CRADD: variants seen among roughly 807,000 people sequenced by gnomAD.
The protein encoded by CRADD is CARD and death domain containing adaptor protein.
A neutral mutation model predicts 15.5 loss-of-function variants in CRADD; 9 were observed. The ratio of observed to expected loss-of-function variants is 0.58; its 90% confidence interval spans 0.35 to 1.01. CRADD has a LOEUF of 1.01. CRADD is among the 50% of genes least tolerant of loss of function. The pLI, the probability that CRADD is intolerant of heterozygous loss-of-function variation, is 0.02. For missense variants in CRADD, 227 were observed against 250.3 expected, an observed-to-expected ratio of 0.91 and a Z score of 0.63; for synonymous variants, 118 against 107.6, an observed-to-expected ratio of 1.10 and a Z score of -0.60.
Position 93,886,238 on chromosome 12 carries a change from C to T in CRADD, c.299-7812C>T, listed in dbSNP as rs529055539. On this transcript the variant is annotated intron_variant, in intron 2 of 2. Coordinates refer to the CRADD transcript ENST00000548483. ...GGAGCGCAGTCACATAGTCTTGGCTCACTGCAACCTCCACCTCCTGGGCTC... is the reference window on the plus strand; with the variant it reads ...GGAGCGCAGTCACATAGTCTTGGCTTACTGCAACCTCCACCTCCTGGGCTC... Among the ~76,000 whole-genome samples the T allele has an allele frequency of 5.5e-5, 8 of 146,592 alleles. No homozygotes were observed. The South Asian group carries it at 1.3e-3, about 24-fold the overall frequency.
chr12:93,786,135 A>G (rs1957275765), intron 2 of CRADD, among the ~76,000 whole-genome samples: 1 of 152,218 alleles, frequency 6.6e-6, no homozygotes, highest in Admixed American at 6.5e-5. Flanking sequence ...AAAACCTCAT[A>G]TTTCTAAACT....
intron 2 of CRADD, among the ~76,000 whole-genome samples, chr12:93,736,138 T>A (rs1180047650): frequency 6.6e-6 from 1 of 152,150 alleles, no homozygotes; most frequent in Non-Finnish European, 1.5e-5. Flanking sequence ...CTTCTTTCCC[T>A]TTGGTATAAT....
chr12:93,751,295 G>A (rs1477600436), intron 2 of CRADD, among the ~76,000 whole-genome samples: 2 of 152,192 alleles, frequency 1.3e-5, no homozygotes, highest in Admixed American at 6.5e-5. Context: ...AGTGAGGGCA[G>A]TCTGTCACCA....
intron 2 of CRADD, among the ~76,000 whole-genome samples, chr12:93,751,538 C>T (rs1442930845): frequency 1.3e-5 from 2 of 152,174 alleles, no homozygotes; most frequent in Non-Finnish European, 2.9e-5. Context: ...CTAGTACTGA[C>T]CTCAATCAGG....
chr12:93,833,584 G>A (rs969063174), intron 2 of CRADD, among the ~76,000 whole-genome samples: 2 of 151,956 alleles, frequency 1.3e-5, no homozygotes, highest in African/African-American at 4.8e-5. Flanking sequence ...GAACTCAAGC[G>A]ACCCTCCCCC....
intron 2 of CRADD, among the ~76,000 whole-genome samples, chr12:93,779,446 T>G (rs1957175574): frequency 6.6e-6 from 1 of 151,760 alleles, no homozygotes; most frequent in African/African-American, 2.4e-5. Flanking sequence ...AAAACATAGA[T>G]TTTTCAATAT....
Position 93,859,470 on chromosome 12 carries a change from G to T in CRADD, c.299-34580G>T, listed in dbSNP as rs1236724378. ...GAGGTCCAATTATATCCAAGTCTTG[G>T]CATCAAACTGTGAAAGACAAAATGC... On this transcript the variant is annotated intron_variant, in intron 2 of 2. Transcript: ENST00000548483. 1.2e-5 allele frequency: 5 copies of T among 421,034 alleles called. No homozygotes were observed. In the East Asian group the frequency reaches 2.9e-4, roughly 24 times the overall value. 26.1% of individuals were successfully genotyped at this position (421,034 alleles called of 1,614,324 possible).
At chr12:93,727,099 A>G (rs1398851211) in intron 2 of CRADD, among the ~76,000 whole-genome samples, 2 of 152,094 alleles carry the variant, frequency 1.3e-5, no homozygotes, top group Non-Finnish European at 2.9e-5. Context: ...AAACGTTCAG[A>G]CTCCACAATT....
At chr12:93,861,917 G>A (rs1424646837) in intron 2 of CRADD, among the ~76,000 whole-genome samples, 1 of 152,068 alleles carries the variant, frequency 6.6e-6, no homozygotes, top group East Asian at 1.9e-4. Context: ...AGGTGTCGAG[G>A]GCAAGGCCAG....
At chr12:93,876,112 A>G (rs1200990729) in intron 2 of CRADD, among the ~76,000 whole-genome samples, 1 of 152,118 alleles carries the variant, frequency 6.6e-6, no homozygotes, top group Non-Finnish European at 1.5e-5. Flanking sequence ...TTCTTCTTTC[A>G]GCACTTTAAA....
At chr12:93,820,176 T>G (rs1310909557) in intron 2 of CRADD, among the ~76,000 whole-genome samples, 1 of 152,212 alleles carries the variant, frequency 6.6e-6, no homozygotes, top group Non-Finnish European at 1.5e-5. Flanking sequence ...TGTCTTTTTT[T>G]TCCTCCACAG....
intron 2 of CRADD, among the ~76,000 whole-genome samples, chr12:93,776,647 C>T (rs1246080253): frequency 6.6e-6 from 1 of 152,100 alleles, no homozygotes; most frequent in Non-Finnish European, 1.5e-5. Context: ...AGCAGCCAAA[C>T]AGTGGAAACA....
intron 2 of CRADD, among the ~76,000 whole-genome samples, chr12:93,745,185 C>T (rs1021407408): frequency 1.3e-5 from 2 of 152,156 alleles, no homozygotes; most frequent in Non-Finnish European, 2.9e-5. Context: ...CTTGCTTATA[C>T]GTCCAAATTT....
rs184105641 is a variant in CRADD at position 93,715,693 on chromosome 12, G to A, written c.298+36621G>A. Among the ~76,000 whole-genome samples the A allele has an allele frequency of 8.8e-3, 1,334 of 152,274 alleles. 12 individuals are homozygous for A. The highest frequency in any genetic ancestry group is 0.011 in the Non-Finnish European group (763 of 68,012). On this transcript the variant is annotated intron_variant, in intron 2 of 2. Coordinates refer to ENST00000332896, the MANE Select transcript of CRADD (RefSeq NM_003805.5). ...ATATTTAGAGCTATATTTAATGGAAGTATATGTGAATTGGTGGTATAAACA... is the reference window on the plus strand; with the variant it reads ...ATATTTAGAGCTATATTTAATGGAAATATATGTGAATTGGTGGTATAAACA...
rs1489425468 is a variant in CRADD, at chr12:93,730,807, C to G, written c.298+51735C>G. 2.6e-5 allele frequency among the ~76,000 whole-genome samples: 4 copies of G among 151,692 alleles called. No individual in the cohort carries two copies. In the East Asian group the frequency reaches 7.7e-4, roughly 29 times the overall value. On this transcript the variant is annotated intron_variant, in intron 2 of 2. Transcript: ENST00000332896. ...CTCGGCTCACTGCAACCTCCACCTC[C>G]CGGGTTCAAGCTATTCTCCCACCTC...
chr12:93,722,958 T>C (rs1306140551), intron 2 of CRADD, among the ~76,000 whole-genome samples: 1 of 152,170 alleles, frequency 6.6e-6, no homozygotes, highest in Non-Finnish European at 1.5e-5. Flanking sequence ...GATAGAAGTG[T>C]GGGAGGAGAG....
intron 2 of CRADD, among the ~76,000 whole-genome samples, chr12:93,749,248 C>G (rs147170867): frequency 2.6e-5 from 4 of 152,252 alleles, no homozygotes; most frequent in Admixed American, 1.3e-4. Flanking sequence ...GCTAGAGAGG[C>G]CAGCAAGTTC....
intron 2 of CRADD, among the ~76,000 whole-genome samples, chr12:93,727,941 C>G (rs1367431112): frequency 6.6e-6 from 1 of 152,176 alleles, no homozygotes; most frequent in Non-Finnish European, 1.5e-5. Context: ...TGACAATACT[C>G]TCTACTCCTG....
intron 2 of CRADD, among the ~76,000 whole-genome samples, chr12:93,723,868 G>A (rs1565888486): frequency 6.6e-6 from 1 of 152,124 alleles, no homozygotes; most frequent in South Asian, 2.1e-4. Flanking sequence ...ATATGTTTCT[G>A]TTCATCACAT....
Sources: allele counts gnomAD v4.1 joint callset (sites outside exome capture counted in the v4.1 genomes callset), GRCh38; gene constraint gnomAD v4.1.1; transcripts MANE v1.5; gene names NCBI Gene and HGNC (gene_info 2026-07-23, HGNC 2026-07-21).